The following LRRK1 variants were observed in gnomAD, a reference collection of about 807,000 sequenced individuals.
LRRK1 encodes the protein leucine rich repeat kinase 1, also known as leucine-rich repeat serine/threonine-protein kinase 1.
LRRK1 carries 113 observed loss-of-function variants against 209.1 expected under a neutral mutation model. That is an observed-to-expected ratio of 0.54 (90% CI 0.46 to 0.63). The LOEUF (loss-of-function observed/expected upper bound fraction) is 0.63. Among genes scored for constraint, LRRK1 ranks in the 30% least tolerant of loss-of-function variants. LRRK1 has a pLI of 0.00. For synonymous variants in LRRK1, 1,144 were observed against 1,099.7 expected, an observed-to-expected ratio of 1.04 and a Z score of -0.80; for missense variants, 2,284 against 2,632.2, an observed-to-expected ratio of 0.87 and a Z score of 2.89.
intron 12 of LRRK1, among the ~76,000 whole-genome samples, chr15:101,019,206 A>C (rs141938636): frequency 6.6e-6 from 1 of 152,324 alleles, no homozygotes; most frequent in Non-Finnish European, 1.5e-5. Flanking sequence ...GCCATCTCTT[A>C]CTTAAAGAGG....
In LRRK1 at chr15:101,076,664, G is replaced by C. The variant is rs1056539991; in HGVS notation, c.*7816G>C. On this transcript the variant is annotated 3_prime_UTR_variant, in exon 34 of 34. Transcript: ENST00000388948. ...CTATCCTCAAGGAAATAACTTCTCA[G>C]TGTTCCATCTGCTATTCTACTGCTC... 3.3e-5 allele frequency: 5 copies of C among 152,232 alleles called. No homozygotes were observed. The highest frequency in any genetic ancestry group is 1.2e-4 in the African/African-American group (5 of 41,390). 9.4% of individuals were successfully genotyped at this position (152,232 alleles called of 1,614,324 possible).
chr15:100,936,587 G>A, intron 2 of LRRK1, among the ~76,000 whole-genome samples: 1 of 152,360 alleles, frequency 6.6e-6, no homozygotes, highest in Admixed American at 6.5e-5. Context: ...GCTGGATGGG[G>A]CTGGGTTCTA....
At chr15:101,009,828 C>T (rs564512537) in intron 7 of LRRK1, among the ~76,000 whole-genome samples, 39 of 152,230 alleles carry the variant, frequency 2.6e-4, no homozygotes, top group African/African-American at 8.4e-4. Context: ...CCTCATGATC[C>T]GCCTGCCTCG....
At position 101,026,083 on chromosome 15, in the gene LRRK1, C is replaced by A. The variant is rs1258652050; in HGVS notation, c.2351C>A (p.Ser784Tyr). 3.7e-6 allele frequency: 6 copies of A among 1,614,114 alleles called. No homozygotes were observed. In the Admixed American group the frequency reaches 6.7e-5, roughly 18 times the overall value. Reference sequence around the variant, plus strand: ...GCCTATGTGCTGGCACTCTGCCGCTCCCCCTCCGGCTCCAGGGCCACAGGC... The same window carrying A: ...GCCTATGTGCTGGCACTCTGCCGCTACCCCTCCGGCTCCAGGGCCACAGGC... ...LRAYVLALCRSPSGSRATGFP... is the reference protein window; with the variant it reads ...LRAYVLALCRYPSGSRATGFP... Residue 784 changes from serine to tyrosine, a missense_variant, in exon 17 of 34, where the codon TCC becomes TAC. Physicochemically the swap from Ser to Tyr is moderately radical, Grantham distance 144 (BLOSUM62 -2). Around this residue, in one of 6 missense-constraint regions of LRRK1, gnomAD observed 780 missense variants for 985.2 expected, o/e 0.79. Coordinates refer to ENST00000388948, the MANE Select transcript of LRRK1 (RefSeq NM_024652.6).
At chr15:100,952,268 A>G (rs1357487676) in intron 2 of LRRK1, among the ~76,000 whole-genome samples, 1 of 152,236 alleles carries the variant, frequency 6.6e-6, no homozygotes. Flanking sequence ...CTGTGAATAT[A>G]TTCAAACCCA....
chr15:101,039,092 G>A (rs1397432349), intron 20 of LRRK1, among the ~76,000 whole-genome samples: 4 of 152,062 alleles, frequency 2.6e-5, no homozygotes, highest in Non-Finnish European at 4.4e-5. Flanking sequence ...GATTATTTTG[G>A]ATTATTCTAG....
chr15:101,025,974 C>G lies in LRRK1; in HGVS notation c.2242C>G (p.Pro748Ala). The G allele has an allele frequency of 6.2e-7, 1 of 1,614,194 alleles. No individual in the cohort carries two copies. Among genetic ancestry groups the G allele is most frequent in the Non-Finnish European group, 8.5e-7 (1 of 1,180,042 alleles). Reference sequence around the variant, plus strand: ...GGGTTCTCTGTTGCAGGCCAAGGCCCCAAACGCCGTGGTGCTGGTGGTCGG... The same window carrying G: ...GGGTTCTCTGTTGCAGGCCAAGGCCGCAAACGCCGTGGTGCTGGTGGTCGG... ...FWLLNIEAKA[P>A]NAVVLVVGTH... The change falls in exon 17 of 34, where the codon CCA becomes GCA. Residue 748 changes from proline (P) to alanine (A), a missense_variant. Transcript: ENST00000388948.
intron 31 of LRRK1, 31 bp downstream of exon 31, chr15:101,062,721 T>C (rs778928952): frequency 1.2e-5 from 18 of 1,496,544 alleles, no homozygotes; most frequent in Non-Finnish European, 1.6e-5. Flanking sequence ...GGTATGCAGG[T>C]CTCTGATGCA....
intron 3 of LRRK1, 58 bp downstream of exon 3, chr15:100,974,025 C>A: frequency 8.3e-7 from 1 of 1,211,736 alleles, no homozygotes; most frequent in Non-Finnish European, 1.0e-6. Flanking sequence ...ACGAAGGGGA[C>A]CGCTCAGATG....
chr15:101,039,587 C>T (rs1046156133), intron 20 of LRRK1, among the ~76,000 whole-genome samples: 3 of 152,012 alleles, frequency 2.0e-5, no homozygotes, highest in Non-Finnish European at 4.4e-5. Flanking sequence ...GCTCTGTTTG[C>T]CTGATTGCAT....
chr15:100,933,040 C>G (rs1261482940), intron 2 of LRRK1, among the ~76,000 whole-genome samples: 2 of 152,184 alleles, frequency 1.3e-5, no homozygotes, highest in Non-Finnish European at 2.9e-5. Flanking sequence ...TTACTTTGCA[C>G]CTTTATTTAA....
chr15:100,928,824 T>C (rs2042159728), intron 2 of LRRK1, among the ~76,000 whole-genome samples: 1 of 152,162 alleles, frequency 6.6e-6, no homozygotes, highest in Non-Finnish European at 1.5e-5. Flanking sequence ...TTTGCCCAGC[T>C]GGTGTGAGGC....
At chr15:101,008,808 A>G (rs766652439) in intron 6 of LRRK1, 29 bp from the exon 7 acceptor site, 9 of 1,551,092 alleles carry the variant, frequency 5.8e-6, no homozygotes, top group Non-Finnish European at 8.0e-6. Flanking sequence ...CACCCTCCAC[A>G]TGTGCTTTTC....
intron 20 of LRRK1, among the ~76,000 whole-genome samples, chr15:101,036,453 T>C (rs7180586): frequency 0.96 from 145,751 of 152,226 alleles, 70,069 homozygotes; most frequent in Non-Finnish European, 1. Flanking sequence ...CATTTGGTTT[T>C]TTTTAAATGA....
Position 100,924,682 on chromosome 15 carries a change from C to T in LRRK1, c.50C>T (p.Pro17Leu), listed in dbSNP as rs180759486. Reference sequence around the variant, plus strand: ...CCCAGCATGTACTGGTGTGTGGGGCCGGAGGAGTCAGCTGTGTGTCCAGAA... The same window carrying T: ...CCCAGCATGTACTGGTGTGTGGGGCTGGAGGAGTCAGCTGTGTGTCCAGAA... Reference protein sequence around the residue: ...RPPSMYWCVGPEESAVCPERA... With the variant: ...RPPSMYWCVGLEESAVCPERA... Residue 17 changes from proline to leucine, a missense_variant, in exon 2 of 34, where the codon CCG becomes CTG. By Grantham distance (98) the Pro-to-Leu change is moderately conservative. This residue lies in a region of LRRK1 where 174 missense variants were observed against 133.5 expected (regional missense o/e 1.30). Transcript: ENST00000388948. 35 of 1,614,026 alleles carry T rather than the reference C, an allele frequency of 2.2e-5. No homozygotes were observed. The East Asian group carries it at 6.0e-4, about 28-fold the overall frequency.
chr15:101,066,045 C>A lies in LRRK1; in HGVS notation c.5608C>A (p.Pro1870Thr). The A allele has an allele frequency of 6.2e-7, 1 of 1,614,154 alleles. No homozygotes were observed. Among genetic ancestry groups the A allele is most frequent in the Non-Finnish European group, 8.5e-7 (1 of 1,180,030 alleles). Residue 1870 changes from proline to threonine, a missense_variant, in exon 32 of 34, where the codon CCT becomes ACT. By Grantham distance (38) the Pro-to-Thr change is conservative (BLOSUM62 -1). Transcript: ENST00000388948. ...CTCCCCAGCAAGTTCTTCCAGTGTGCCTTTCTCCACCGACTGCGAGGACTC... is the reference window on the plus strand; with the variant it reads ...CTCCCCAGCAAGTTCTTCCAGTGTGACTTTCTCCACCGACTGCGAGGACTC... ...PSSPASSSSV[P>T]FSTDCEDSDM...
intron 10 of LRRK1, 27 bp downstream of exon 10, chr15:101,012,172 AT>A (rs1309006303): frequency 2.5e-6 from 4 of 1,570,340 alleles, no homozygotes; most frequent in South Asian, 2.4e-5. Context: ...TTTCTTTCTC[AT>A]TTTCGGCTTT....
At chr15:100,928,858 G>T (rs1281612795) in intron 2 of LRRK1, among the ~76,000 whole-genome samples, 1 of 152,090 alleles carries the variant, frequency 6.6e-6, no homozygotes, top group African/African-American at 2.4e-5. Flanking sequence ...TGTCTGCCCT[G>T]CCGTGCGGCC....
At chr15:101,067,402 C>G (rs74040280) in intron 33 of LRRK1, 3 of 422,976 alleles carry the variant, frequency 7.1e-6, no homozygotes, top group African/African-American at 6.1e-5. Flanking sequence ...ATCTCCCCTA[C>G]GAAAAGTCCT....
Sources: allele counts gnomAD v4.1 joint callset (sites outside exome capture counted in the v4.1 genomes callset), GRCh38; gene constraint gnomAD v4.1.1; regional missense constraint gnomAD v4.1.1; transcripts MANE v1.5; gene names NCBI Gene and HGNC (gene_info 2026-07-23, HGNC 2026-07-21).